The following EXOC6B variants were observed in gnomAD, a reference collection of about 807,000 sequenced individuals.
EXOC6B encodes the protein exocyst complex component 6B.
Under a neutral mutation model 113.5 loss-of-function variants are expected in EXOC6B, and 54 were observed. The ratio of observed to expected loss-of-function variants is 0.48; its 90% CI spans 0.38 to 0.60. The LOEUF (loss-of-function observed/expected upper bound fraction) is 0.60, where lower values mean the gene tolerates loss of function less well. Ranked by LOEUF, EXOC6B falls within the 20% of genes least tolerant of loss-of-function variation. EXOC6B has a pLI of 0.00. For synonymous variants in EXOC6B, 357 were observed against 339.0 expected (o/e 1.05, Z -0.58); for missense variants, 797 against 977.5 (o/e 0.82, Z 2.46).
At chr2:72,560,750 T>C (rs1663986833) in intron 7 of EXOC6B, among the ~76,000 whole-genome samples, 2 of 151,836 alleles carry the variant, frequency 1.3e-5, no homozygotes, top group Non-Finnish European at 2.9e-5. Context: ...CACTGTATAC[T>C]CTGTAAGCAC....
intron 18 of EXOC6B, among the ~76,000 whole-genome samples, chr2:72,405,215 T>A (rs953528457): frequency 1.9e-4 from 29 of 152,130 alleles, no homozygotes; most frequent in African/African-American, 7.0e-4. Flanking sequence ...AAAGACCAAA[T>A]CTACATCTGA....
intron 18 of EXOC6B, among the ~76,000 whole-genome samples, chr2:72,430,254 T>C (rs931623429): frequency 1.3e-5 from 2 of 152,208 alleles, no homozygotes; most frequent in African/African-American, 4.8e-5. Context: ...CCAAATACTA[T>C]ATGTGGATGG....
At chr2:72,791,389 A>C (rs568863469) in intron 1 of EXOC6B, among the ~76,000 whole-genome samples, 2 of 152,180 alleles carry the variant, frequency 1.3e-5, no homozygotes, top group South Asian at 4.2e-4. Flanking sequence ...ACAAAAAAAT[A>C]AACAAAACTA....
chr2:72,342,232 T>A (rs563082843), intron 19 of EXOC6B, among the ~76,000 whole-genome samples: 1 of 151,564 alleles, frequency 6.6e-6, no homozygotes, highest in East Asian at 1.9e-4. Flanking sequence ...AAGAACCAAC[T>A]AAGCACAACG....
At chr2:72,207,309 T>C (rs1421938488) in intron 20 of EXOC6B, among the ~76,000 whole-genome samples, 3 of 152,200 alleles carry the variant, frequency 2.0e-5, no homozygotes, top group African/African-American at 7.2e-5. Context: ...CCTTAGGGAA[T>C]AGTGTGAGTT....
At chr2:72,459,108 A>C (rs954529120) in intron 18 of EXOC6B, among the ~76,000 whole-genome samples, 3 of 152,204 alleles carry the variant, frequency 2.0e-5, no homozygotes, top group African/African-American at 4.8e-5. Context: ...CAAAAACCAC[A>C]TGATTATCTC....
At chr2:72,399,261 A>G (rs2105149860) in intron 18 of EXOC6B, among the ~76,000 whole-genome samples, 1 of 152,326 alleles carries the variant, frequency 6.6e-6, no homozygotes, top group Non-Finnish European at 1.5e-5. Flanking sequence ...ATACCTCAAA[A>G]TAATAAAAGC....
chr2:72,722,074 T>G (rs969746403), intron 5 of EXOC6B: 1 of 149,322 alleles, frequency 6.7e-6, no homozygotes, highest in Non-Finnish European at 1.5e-5. Context: ...CTTACACATA[T>G]AAATTATGAA....
chr2:72,602,366 C>G (rs1670487942), intron 6 of EXOC6B, among the ~76,000 whole-genome samples: 1 of 152,130 alleles, frequency 6.6e-6, no homozygotes. Context: ...ATGCTTAAGT[C>G]TCTTCCTTCT....
chr2:72,559,812 T>C (rs756970852), intron 7 of EXOC6B, among the ~76,000 whole-genome samples: 1 of 152,172 alleles, frequency 6.6e-6, no homozygotes, highest in African/African-American at 2.4e-5. Flanking sequence ...GAGATATATC[T>C]TTGACCATGG....
intron 18 of EXOC6B, among the ~76,000 whole-genome samples, chr2:72,460,798 G>A (rs1407979296): frequency 2.6e-5 from 4 of 151,906 alleles, no homozygotes; most frequent in Non-Finnish European, 5.9e-5. Flanking sequence ...CAGTCAGTGT[G>A]GTGATTCCTC....
chr2:72,263,620 G>T (rs1683869173), intron 20 of EXOC6B, among the ~76,000 whole-genome samples: 1 of 152,056 alleles, frequency 6.6e-6, no homozygotes, highest in Admixed American at 6.6e-5. Context: ...TTCCCAAAGG[G>T]GTTGGAAGGA....
At chr2:72,640,788 G>T (rs1673168182) in intron 6 of EXOC6B, among the ~76,000 whole-genome samples, 1 of 151,998 alleles carries the variant, frequency 6.6e-6, no homozygotes, top group South Asian at 2.1e-4. Context: ...AATCTGCCAA[G>T]CAAATAGAAA....
At chr2:72,773,293 AT>A (rs912337300) in intron 1 of EXOC6B, among the ~76,000 whole-genome samples, 3 of 151,164 alleles carry the variant, frequency 2.0e-5, no homozygotes, top group Non-Finnish European at 4.4e-5. Flanking sequence ...TGCCCAGCTA[AT>A]TTTTTTCACA....
chr2:72,776,615 T>C (rs1683718803), intron 1 of EXOC6B, among the ~76,000 whole-genome samples: 1 of 147,808 alleles, frequency 6.8e-6, no homozygotes, highest in African/African-American at 2.5e-5. Context: ...CAGCCAGGTC[T>C]CAAAAAAAAA....
At chr2:72,806,002 T>A (rs529634163) in intron 1 of EXOC6B, among the ~76,000 whole-genome samples, 1 of 152,308 alleles carries the variant, frequency 6.6e-6, no homozygotes, top group East Asian at 1.9e-4. Flanking sequence ...ACAGTATATA[T>A]AAATATATTT....
At chr2:72,273,556 G>T (rs56045434) in intron 20 of EXOC6B, among the ~76,000 whole-genome samples, 55 of 152,106 alleles carry the variant, frequency 3.6e-4, no homozygotes, top group Non-Finnish European at 7.5e-4. Context: ...AAGGTTCACA[G>T]GGGAGGAAGC....
At chr2:72,665,840 A>T (rs556300176) in intron 6 of EXOC6B, among the ~76,000 whole-genome samples, 120 of 152,320 alleles carry the variant, frequency 7.9e-4, no homozygotes, top group Middle Eastern at 6.8e-3. Flanking sequence ...CTCACATATC[A>T]ATACTAACCT....
At chr2:72,672,892 C>T (rs996998088) in intron 6 of EXOC6B, among the ~76,000 whole-genome samples, 4 of 152,050 alleles carry the variant, frequency 2.6e-5, no homozygotes, top group Non-Finnish European at 5.9e-5. Context: ...AGTGTGACTA[C>T]ATTAAACAAT....
Sources: gnomAD v4.1 joint callset for allele counts (sites outside exome capture counted in the v4.1 genomes callset) on GRCh38, gnomAD v4.1.1 for gene constraint, MANE v1.5 for transcripts, NCBI Gene and HGNC (gene_info 2026-07-23, HGNC 2026-07-21) for gene names.